Variants in PAX3 observed in about 807,000 individuals in gnomAD.
The protein encoded by PAX3 is paired box 3.
PAX3 carries 14 observed loss-of-function variants against 51.6 expected under a neutral mutation model. The ratio of observed to expected loss-of-function variants is 0.27; its 90% CI spans 0.18 to 0.42. PAX3 has a LOEUF of 0.42. Ranked by LOEUF, PAX3 falls within the 10% of genes least tolerant of loss-of-function variation. The pLI is 1.00. For missense variants in PAX3, 540 were observed against 642.8 expected, an observed-to-expected ratio of 0.84 and a Z score of 1.73; for synonymous variants, 280 against 253.4, an observed-to-expected ratio of 1.11 and a Z score of -1.00.
At chr2:222,202,277 A>G (rs1445726296) in intron 7 of PAX3, 87 bp from the exon 8 acceptor site, 6 of 1,045,446 alleles carry the variant, frequency 5.7e-6, no homozygotes, top group Admixed American at 2.0e-5. Context: ...TTGACAGTCC[A>G]GTTTTTATTT....
intron 4 of PAX3, among the ~76,000 whole-genome samples, chr2:222,260,744 C>G (rs1693833953): frequency 6.6e-6 from 1 of 151,678 alleles, no homozygotes; most frequent in Admixed American, 6.6e-5. Context: ...GTGTGAACCC[C>G]CATGCCCGGC....
At chr2:222,215,575 G>A (rs575161971) in intron 7 of PAX3, among the ~76,000 whole-genome samples, 1 of 152,074 alleles carries the variant, frequency 6.6e-6, no homozygotes, top group Non-Finnish European at 1.5e-5. Flanking sequence ...CTTGGGGGTA[G>A]GGGAACAGTC....
intron 3 of PAX3, among the ~76,000 whole-genome samples, chr2:222,294,961 A>G (rs1695215454): frequency 6.6e-6 from 1 of 151,910 alleles, no homozygotes; most frequent in Admixed American, 6.5e-5. Context: ...TATGTTTCTC[A>G]CAGAGGGAAA....
chr2:222,241,779 C>G (rs779051525), intron 4 of PAX3, among the ~76,000 whole-genome samples: 5 of 152,216 alleles, frequency 3.3e-5, no homozygotes, highest in Non-Finnish European at 7.3e-5. Context: ...TGAAAGAACA[C>G]TTCAAACAAT....
At chr2:222,281,912 C>T (rs966370290) in intron 4 of PAX3, among the ~76,000 whole-genome samples, 2 of 152,146 alleles carry the variant, frequency 1.3e-5, no homozygotes, top group Admixed American at 6.5e-5. Flanking sequence ...CCTTGCTAGC[C>T]ATCTTCCATC....
intron 4 of PAX3, chr2:222,263,758 T>C (rs1357536250): frequency 6.6e-6 from 1 of 152,120 alleles, no homozygotes; most frequent in East Asian, 1.9e-4. Flanking sequence ...GGTGAATGGG[T>C]AAACAAACTG....
chr2:222,292,643 T>C (rs1233181721), intron 4 of PAX3, among the ~76,000 whole-genome samples: 1 of 152,122 alleles, frequency 6.6e-6, no homozygotes, highest in Non-Finnish European at 1.5e-5. Context: ...GCACATTTGG[T>C]TTGGGGTTGT....
At chr2:222,266,012 T>C (rs1372716600) in intron 4 of PAX3, among the ~76,000 whole-genome samples, 1 of 152,170 alleles carries the variant, frequency 6.6e-6, no homozygotes, top group Non-Finnish European at 1.5e-5. Context: ...TTGATCCAGG[T>C]TTTGCGGAGC....
chr2:222,231,989 G>C lies in PAX3; in HGVS notation c.792+89C>G, dbSNP rs1692613529. ...AAGGGCCATTCCTAATACATTTTTG[G>C]GGGGGATTGACATATGTTTTAGATG... On this transcript the variant is annotated intron_variant, in intron 5 of 8. Coordinates refer to ENST00000392070, the MANE Select transcript of PAX3 (RefSeq NM_181458.4). 4 of 1,166,008 alleles carry C rather than the reference G, an allele frequency of 3.4e-6. No homozygotes were observed. In the South Asian group the frequency reaches 4.9e-5, roughly 14 times the overall value. The allele number at this position is 1,166,008 out of a possible 1,614,324, so 72.2% of individuals were successfully genotyped here.
intron 7 of PAX3, among the ~76,000 whole-genome samples, chr2:222,212,286 G>GA (rs1198568418): frequency 3.3e-5 from 5 of 151,954 alleles, no homozygotes; most frequent in African/African-American, 7.2e-5. Flanking sequence ...ATTTTTGTGA[G>GA]AAAAAAGAAG....
At chr2:222,292,921 C>T in intron 4 of PAX3, among the ~76,000 whole-genome samples, 1 of 152,226 alleles carries the variant, frequency 6.6e-6, no homozygotes, top group Non-Finnish European at 1.5e-5. Context: ...GGATCTGTAA[C>T]TTCCAAATCT....
intron 4 of PAX3, chr2:222,263,593 T>A (rs552986199): frequency 7.0e-4 from 107 of 152,276 alleles, no homozygotes; most frequent in African/African-American, 2.4e-3. Flanking sequence ...AGCATACAGT[T>A]AACATATCAC....
rs781111916 is a variant in PAX3 at position 222,232,162 on chromosome 2, A to G, written c.708T>C (p.Arg236=). The G allele has an allele frequency of 6.2e-7, 1 of 1,613,990 alleles. No individual in the cohort carries two copies. Among genetic ancestry groups the G allele is most frequent in the Admixed American group, 1.7e-5 (1 of 59,986 alleles). The change falls in exon 5 of 9, where the codon CGT becomes CGC. Residue 236 remains arginine (R), a synonymous_variant. Transcript: ENST00000392070. ...CAGGGTAATGAGTTCTCTCAAAAGC[A>G]CGCTCCAGTTCCTCCAGCTGTTCTG... ...FTAEQLEELE[R]AFERTHYPDI...
chr2:222,234,766 T>C lies in PAX3; in HGVS notation c.587-2483A>G, dbSNP rs973266689. Among the ~76,000 whole-genome samples, 3 of 152,350 alleles carry C rather than the reference T, an allele frequency of 2.0e-5. No individual in the cohort carries two copies. The East Asian group carries it at 5.8e-4, about 29-fold the overall frequency. On this transcript the variant is annotated intron_variant, in intron 4 of 8. Coordinates refer to ENST00000392070, the MANE Select transcript of PAX3 (RefSeq NM_181458.4). Reference sequence around the variant, plus strand: ...AATTTTCAACTCTGTAAAATACATCTGCCACAATTAACTGAAAGTCACTCC... The same window carrying C: ...AATTTTCAACTCTGTAAAATACATCCGCCACAATTAACTGAAAGTCACTCC...
intron 7 of PAX3, among the ~76,000 whole-genome samples, chr2:222,211,834 C>A: frequency 6.6e-6 from 1 of 152,128 alleles, no homozygotes; most frequent in Non-Finnish European, 1.5e-5. Flanking sequence ...AATGTGCACT[C>A]GTACACTGAA....
intron 4 of PAX3, among the ~76,000 whole-genome samples, chr2:222,247,982 C>T (rs992912703): frequency 2.6e-5 from 4 of 152,016 alleles, no homozygotes; most frequent in Non-Finnish European, 5.9e-5. Flanking sequence ...AAAGTCTCAG[C>T]GGGTCAATTA....
intron 7 of PAX3, among the ~76,000 whole-genome samples, chr2:222,215,569 G>A (rs534307579): frequency 6.6e-6 from 1 of 151,962 alleles, no homozygotes; most frequent in Non-Finnish European, 1.5e-5. Context: ...GTGTGTCTTG[G>A]GGGTAGGGGA....
chr2:222,240,716 T>A (rs1013532138), intron 4 of PAX3, among the ~76,000 whole-genome samples: 5 of 152,206 alleles, frequency 3.3e-5, no homozygotes, highest in African/African-American at 1.2e-4. Context: ...GAGGAATTTG[T>A]TATTGGCTTG....
At chr2:222,221,090 G>A (rs563516798) in intron 6 of PAX3, 132 bp downstream of exon 6, 9 of 874,254 alleles carry the variant, frequency 1.0e-5, no homozygotes, top group South Asian at 2.7e-5. Flanking sequence ...TGATAGGTAC[G>A]TTCAGGACAA....
Sources: gnomAD v4.1 joint callset for allele counts (sites outside exome capture counted in the v4.1 genomes callset) on GRCh38, gnomAD v4.1.1 for gene constraint, MANE v1.5 for transcripts, NCBI Gene and HGNC (gene_info 2026-07-23, HGNC 2026-07-21) for gene names.